Variants in DNER observed in about 807,000 individuals in gnomAD.
DNER encodes the protein delta and Notch-like epidermal growth factor-related receptor.
Under a neutral mutation model 78.2 loss-of-function variants are expected in DNER, and 33 were observed. The ratio of observed to expected loss-of-function variants is 0.42; its 90% CI spans 0.32 to 0.56. The LOEUF is 0.56. Among genes scored for constraint, DNER ranks in the 20% least tolerant of loss-of-function variants. DNER has a pLI of 0.11. For missense variants in DNER, 918 were observed against 975.3 expected (o/e 0.94, Z 0.78); for synonymous variants, 417 against 384.8 (o/e 1.08, Z -0.98).
chr2:229,364,265 G>A (rs941207887), intron 12 of DNER, among the ~76,000 whole-genome samples: 1 of 151,974 alleles, frequency 6.6e-6, no homozygotes, highest in African/African-American at 2.4e-5. Context: ...GCCCTGGGAT[G>A]AGTCTACCTC....
intron 1 of DNER, among the ~76,000 whole-genome samples, chr2:229,699,633 T>C (rs2154217617): frequency 6.6e-6 from 1 of 152,260 alleles, no homozygotes; most frequent in East Asian, 1.9e-4. Context: ...CCAAAGTGCT[T>C]GGGATTACAA....
chr2:229,368,445 T>C (rs1692400686), intron 11 of DNER, among the ~76,000 whole-genome samples: 2 of 152,200 alleles, frequency 1.3e-5, no homozygotes, highest in South Asian at 4.1e-4. Flanking sequence ...AGCAACAGCA[T>C]AATTTATTAA....
At position 229,394,074 on chromosome 2, in the gene DNER, C is replaced by CCA. The variant is rs1028683632; in HGVS notation, c.1724-5680_1724-5679dup. Among the ~76,000 whole-genome samples, 36 of 151,914 alleles carry CCA rather than the reference C, an allele frequency of 2.4e-4. No homozygotes were observed. The South Asian group carries it at 5.2e-3, about 22-fold the overall frequency. On this transcript the variant is annotated intron_variant, in intron 10 of 12. Coordinates refer to ENST00000341772, the MANE Select transcript of DNER (RefSeq NM_139072.4). ...CCCAAGCAGGATAAACACAAGAAAA[C>CCA]CACACACACACACATCATAGTGCAG...
chr2:229,514,892 C>T (rs1341288738), intron 5 of DNER, among the ~76,000 whole-genome samples: 1 of 152,198 alleles, frequency 6.6e-6, no homozygotes, highest in Non-Finnish European at 1.5e-5. Flanking sequence ...GGGTGTCTTT[C>T]TTCTGTTAAC....
At chr2:229,431,021 T>C (rs1693992150) in intron 8 of DNER, among the ~76,000 whole-genome samples, 1 of 152,124 alleles carries the variant, frequency 6.6e-6, no homozygotes, top group East Asian at 1.9e-4. Flanking sequence ...AGTAAAGAAA[T>C]TGTTTTTTAA....
intron 5 of DNER, among the ~76,000 whole-genome samples, chr2:229,540,594 G>A (rs866473285): frequency 2.6e-5 from 4 of 152,154 alleles, no homozygotes; most frequent in Admixed American, 6.5e-5. Flanking sequence ...TAACTGGTTC[G>A]AGTCATTGAT....
intron 5 of DNER, among the ~76,000 whole-genome samples, chr2:229,516,961 A>T (rs1695989200): frequency 6.6e-6 from 1 of 150,766 alleles, no homozygotes; most frequent in South Asian, 2.1e-4. Flanking sequence ...CAAAAAAAAA[A>T]TTAGCTGGGC....
In DNER at chr2:229,464,462, T is replaced by C. The variant is rs535340261; in HGVS notation, c.1261+12678A>G. On this transcript the variant is annotated intron_variant, in intron 7 of 12. Transcript: ENST00000341772. ...AATGTTAAATCAACTCTCCCTTAAT[T>C]TGGAATACATAGAAGGGCATAAGAG... Among the ~76,000 whole-genome samples, 15 of 152,060 alleles carry C rather than the reference T, an allele frequency of 9.9e-5. No individual in the cohort carries two copies. The South Asian group carries it at 3.1e-3, about 32-fold the overall frequency.
At chr2:229,360,818 G>A (rs946886622) in intron 12 of DNER, among the ~76,000 whole-genome samples, 2 of 152,150 alleles carry the variant, frequency 1.3e-5, no homozygotes, top group Admixed American at 1.3e-4. Context: ...GTCCACACTG[G>A]TTAACTGAGC....
At chr2:229,584,110 C>G (rs899274810) in intron 4 of DNER, among the ~76,000 whole-genome samples, 17 of 152,228 alleles carry the variant, frequency 1.1e-4, no homozygotes, top group African/African-American at 3.6e-4. Flanking sequence ...GAGGGTGAGT[C>G]TAAATGCATA....
intron 11 of DNER, among the ~76,000 whole-genome samples, chr2:229,385,956 A>C (rs1441490778): frequency 6.6e-6 from 1 of 152,192 alleles, no homozygotes; most frequent in Non-Finnish European, 1.5e-5. Flanking sequence ...TCTTCACAGA[A>C]TTGGAAAAAT....
chr2:229,448,417 G>C (rs1694385878), intron 7 of DNER, among the ~76,000 whole-genome samples: 1 of 152,120 alleles, frequency 6.6e-6, no homozygotes, highest in Admixed American at 6.5e-5. Context: ...GGGGTGGATG[G>C]AAATGTTTTA....
chr2:229,399,124 G>A (rs1445609455), intron 10 of DNER, among the ~76,000 whole-genome samples: 5 of 150,814 alleles, frequency 3.3e-5, no homozygotes, highest in East Asian at 1.9e-4. Context: ...TAAAACTGCC[G>A]CTCTTTTCAG....
chr2:229,386,191 G>C (rs1381367142), intron 11 of DNER, among the ~76,000 whole-genome samples: 1 of 152,200 alleles, frequency 6.6e-6, no homozygotes, highest in African/African-American at 2.4e-5. Context: ...TCTGATCTTT[G>C]ATAAACCTGA....
chr2:229,595,145 T>G (rs1697687303), intron 1 of DNER, among the ~76,000 whole-genome samples: 2 of 152,296 alleles, frequency 1.3e-5, no homozygotes, highest in South Asian at 4.1e-4. Flanking sequence ...TGTTTTACAT[T>G]TCTTATTTTA....
Position 229,667,126 on chromosome 2 carries a change from C to T in DNER, c.276+47022G>A, listed in dbSNP as rs547190010. Reference sequence around the variant, plus strand: ...TTTTGCATCACAGACCTGGAAAAGACTCAGTGGGCAGGATTATCCAAACAT... The same window carrying T: ...TTTTGCATCACAGACCTGGAAAAGATTCAGTGGGCAGGATTATCCAAACAT... On this transcript the variant is annotated intron_variant, in intron 1 of 12. Coordinates refer to ENST00000341772, the MANE Select transcript of DNER (RefSeq NM_139072.4). Among the ~76,000 whole-genome samples the T allele has an allele frequency of 1.2e-4, 19 of 152,300 alleles. No individual in the cohort carries two copies. In the South Asian group the frequency reaches 3.7e-3, roughly 30 times the overall value.
chr2:229,491,660 T>C (rs1695401898), intron 6 of DNER, among the ~76,000 whole-genome samples: 2 of 152,160 alleles, frequency 1.3e-5, no homozygotes, highest in South Asian at 4.1e-4. Context: ...TGCAATCCTA[T>C]TCCCATTTTT....
At chr2:229,482,552 A>G (rs1464857038) in intron 6 of DNER, among the ~76,000 whole-genome samples, 1 of 152,104 alleles carries the variant, frequency 6.6e-6, no homozygotes, top group East Asian at 1.9e-4. Flanking sequence ...TCTATTCCGA[A>G]TCTCGCCAAG....
chr2:229,548,498 A>C (rs28493059), intron 4 of DNER, among the ~76,000 whole-genome samples: 4,478 of 152,270 alleles, frequency 0.029, 195 homozygotes, highest in African/African-American at 0.094. Context: ...AAGATCAGAA[A>C]ACCAAACACC....
Sources: gnomAD v4.1 joint callset for allele counts (sites outside exome capture counted in the v4.1 genomes callset) on GRCh38, gnomAD v4.1.1 for gene constraint, MANE v1.5 for transcripts, NCBI Gene and HGNC (gene_info 2026-07-23, HGNC 2026-07-21) for gene names.